The following KLK5 variants were observed in gnomAD, a reference collection of about 807,000 sequenced individuals.
KLK5 encodes kallikrein-5.
Under a neutral mutation model 24.0 loss-of-function variants are expected in KLK5, and 18 were observed. The ratio of observed to expected loss-of-function variants is 0.75; its 90% CI spans 0.52 to 1.11. The LOEUF (loss-of-function observed/expected upper bound fraction) is 1.11. Ranked by LOEUF, KLK5 falls within the 50% of genes most tolerant of loss-of-function variation. The pLI is 0.00. For synonymous variants in KLK5, 140 were observed against 154.0 expected (o/e 0.91, Z 0.67); for missense variants, 374 against 379.2 (o/e 0.99, Z 0.11).
Position 50,943,771 on chromosome 19 carries a change from GC to G in KLK5, c.741del (p.Pro248LeufsTer65), listed in dbSNP as rs759781166. 10 of 1,612,864 alleles carry G rather than the reference GC, an allele frequency of 6.2e-6. No individual in the cohort carries two copies. Among genetic ancestry groups the G allele is most frequent in the African/African-American group, 1.3e-5 (1 of 74,854 alleles). ...GRDSCQGDSGGPVVCNGSLQG... is the reference protein window; with the variant it reads ...GRDSCQGDSGXPVVCNGSLQG... ...TGCAGGGAGCCATTGCAGACCACAG[GC>G]CCCCCAGAATCACCCTGCAGGAGAG... is the stretch of plus-strand genomic sequence containing the variant. On this transcript the variant is annotated frameshift_variant, in exon 6 of 6. Transcript: ENST00000336334. LOFTEE classifies it low-confidence loss of function (END_TRUNC).
intron 3 of KLK5, 77 bp downstream of exon 3, chr19:50,949,761 AGCCCTCACCTCCATGAC>A: frequency 3.4e-6 from 1 of 293,280 alleles, no homozygotes; most frequent in Non-Finnish European, 5.6e-6. Flanking sequence ...CGTCCCCACC[AGCCCTCACCTCCATGAC>A]ACCCCCACCC....
chr19:50,944,946 T>C (rs2090617524), intron 5 of KLK5, among the ~76,000 whole-genome samples: 1 of 152,022 alleles, frequency 6.6e-6, no homozygotes, highest in Non-Finnish European at 1.5e-5. Flanking sequence ...TTTCCTTCTT[T>C]CCTTCCTTCC....
At chr19:50,946,941 G>T (rs549090962) in intron 5 of KLK5, among the ~76,000 whole-genome samples, 14 of 151,998 alleles carry the variant, frequency 9.2e-5, no homozygotes, top group Admixed American at 3.3e-4. Context: ...AATGGGGAGA[G>T]CTGGGGAGGT....
chr19:50,951,971 A>G (rs544838894), intron 2 of KLK5, among the ~76,000 whole-genome samples: 1 of 152,148 alleles, frequency 6.6e-6, no homozygotes, highest in South Asian at 2.1e-4. Context: ...TCACACATAC[A>G]GTAGCATTTA....
Position 50,952,885 on chromosome 19 carries a change from G to A in KLK5, c.-150C>T. ...AAGGAGGGGACAGAGAAAGATGTGG[G>A]TGCAGGACGCACAGACACCTCTCCT... On this transcript the variant is annotated 5_prime_UTR_variant, in exon 1 of 6. Transcript: ENST00000336334. 2.5e-6 allele frequency: 1 copy of A among 404,318 alleles called. No individual in the cohort carries two copies. Among genetic ancestry groups the A allele is most frequent in the Non-Finnish European group, 4.4e-6 (1 of 228,632 alleles). 25.0% of individuals were successfully genotyped at this position (404,318 alleles called of 1,614,324 possible).
rs2090640649 is a variant in KLK5 at position 50,946,891 on chromosome 19, C to T, written c.726+1749G>A. Among the ~76,000 whole-genome samples the T allele has an allele frequency of 2.6e-5, 4 of 152,008 alleles. No individual in the cohort carries two copies. In the South Asian group the frequency reaches 6.2e-4, roughly 24 times the overall value. ...GCTTTCTTCTGTTAAAAGTTTTCCC[C>T]CTCGCAACCCACCCCCCCACACCCA... is the stretch of plus-strand genomic sequence containing the variant. On this transcript the variant is annotated intron_variant, in intron 5 of 5. Transcript: ENST00000336334.
intron 3 of KLK5, 74 bp from the exon 4 acceptor site, chr19:50,949,189 C>T: frequency 1.4e-6 from 2 of 1,436,498 alleles, no homozygotes; most frequent in Non-Finnish European, 1.9e-6. Flanking sequence ...CAACCCCACA[C>T]CCAGCCCCAG....
Position 50,949,911 on chromosome 19 carries a change from G to T in KLK5, c.279C>A (p.Cys93Ter). ...ACTGTGGATGCACCAACACCGCCCCGCAGTAGAGCTGGTTGGGCCTTAGCA... is the reference window on the plus strand; with the variant it reads ...ACTGTGGATGCACCAACACCGCCCCTCAGTAGAGCTGGTTGGGCCTTAGCA... Reference protein sequence around the residue: ...ALLLRPNQLYCGAVLVHPQWL... With the variant: ...ALLLRPNQLY Residue 93 changes from cysteine (C) to a stop codon, truncating the protein, a stop_gained, in exon 3 of 6, where the codon TGC (cysteine) becomes TGA (stop). Transcript: ENST00000336334. LOFTEE classifies it high-confidence loss of function. The T allele has an allele frequency of 6.3e-7, 1 of 1,594,310 alleles. No individual in the cohort carries two copies. Among genetic ancestry groups the T allele is most frequent in the African/African-American group, 1.4e-5 (1 of 73,104 alleles).
intron 3 of KLK5, 110 bp downstream of exon 3, chr19:50,949,745 C>CA: frequency 4.9e-6 from 3 of 606,334 alleles, no homozygotes; most frequent in African/African-American, 2.1e-5. Context: ...CCCAACCCCA[C>CA]TTCCCCGTCC....
In KLK5 at chr19:50,947,358, G is replaced by A. The variant is rs144085487; in HGVS notation, c.726+1282C>T. On this transcript the variant is annotated intron_variant, in intron 5 of 5. Transcript: ENST00000336334. The surrounding 1 kb of genome is among the most constrained non-coding windows in gnomAD (Gnocchi z 8.7). ...CCTTACTGCCTCAGGGCCTTTGCAC[G>A]TGCCTTTTCTTTCCCCTTAAACTTC... is the stretch of plus-strand genomic sequence containing the variant. Among the ~76,000 whole-genome samples the A allele has an allele frequency of 1.6e-3, 248 of 152,184 alleles. 1 individual carries two copies. Among genetic ancestry groups the A allele is most frequent in the South Asian group, 1.0e-3 (5 of 4,828 alleles).
chr19:50,945,760 C>T lies in KLK5; in HGVS notation c.727-1974G>A, dbSNP rs543744550. Among the ~76,000 whole-genome samples the T allele has an allele frequency of 2.0e-4, 29 of 147,836 alleles. No homozygotes were observed. In the South Asian group the frequency reaches 3.6e-3, roughly 18 times the overall value. ...GAGCTGATATGGTGCCATTGCACTC[C>T]AGCCTGGGTGACAGAGCGAGACTCC... On this transcript the variant is annotated intron_variant, in intron 5 of 5. Coordinates refer to ENST00000336334, the MANE Select transcript of KLK5 (RefSeq NM_012427.5).
chr19:50,949,739 A>ACCC, intron 3 of KLK5, 116 bp downstream of exon 3: 1 of 432,332 alleles, frequency 2.3e-6, no homozygotes, highest in Non-Finnish European at 3.7e-6. Context: ...GACACCCCCA[A>ACCC]CCCCACTTCC....
chr19:50,946,655 G>A (rs2090637978), intron 5 of KLK5, among the ~76,000 whole-genome samples: 2 of 151,968 alleles, frequency 1.3e-5, no homozygotes, highest in African/African-American at 4.8e-5. Flanking sequence ...CGCCTCCCGG[G>A]TTCAGGCCAT....
At chr19:50,948,611 A>G (rs757116694) in intron 5 of KLK5, 29 bp downstream of exon 5, 1 of 1,613,036 alleles carries the variant, frequency 6.2e-7, no homozygotes, top group Non-Finnish European at 8.5e-7. Context: ...CTCAGTGTGT[A>G]TCTGCTGAAT....
rs960790360 is a variant in KLK5 at position 50,947,798 on chromosome 19, C to T, written c.726+842G>A. On this transcript the variant is annotated intron_variant, in intron 5 of 5. Coordinates refer to ENST00000336334, the MANE Select transcript of KLK5 (RefSeq NM_012427.5). This position sits in a 1 kb window ranked among gnomAD's most constrained non-coding sequence, Gnocchi z 8.7. ...AACTGACATCTGTAACACGGAGTGC[C>T]CCTATTAGATATGGTATCTTTATGC... Among the ~76,000 whole-genome samples, 1 of 152,144 alleles carries T rather than the reference C, an allele frequency of 6.6e-6. No individual in the cohort carries two copies. Among genetic ancestry groups the T allele is most frequent in the African/African-American group, 2.4e-5 (1 of 41,426 alleles).
chr19:50,952,564 C>A (rs2090696909), intron 2 of KLK5, 21 bp downstream of exon 2: 1 of 1,578,282 alleles, frequency 6.3e-7, no homozygotes, highest in Non-Finnish European at 8.6e-7. Flanking sequence ...CACAACCCTC[C>A]CACCCCAGAG....
chr19:50,944,009 CTTTTTTTT>C (rs111307117), intron 5 of KLK5, among the ~76,000 whole-genome samples: 7 of 144,596 alleles, frequency 4.8e-5, no homozygotes, highest in Non-Finnish European at 7.6e-5. Flanking sequence ...CCAAATCCAG[CTTTTTTTT>C]TTTTGAGATG....
intron 2 of KLK5, among the ~76,000 whole-genome samples, chr19:50,951,538 C>T (rs1464820864): frequency 6.6e-6 from 1 of 152,182 alleles, no homozygotes; most frequent in Non-Finnish European, 1.5e-5. Context: ...TCCCAAAGGG[C>T]TGGGATTACA....
rs748039264 is a variant in KLK5, at chr19:50,943,677, C to T, written c.836G>A (p.Cys279Tyr). 3.1e-6 allele frequency: 5 copies of T among 1,613,852 alleles called. No individual in the cohort carries two copies. Among genetic ancestry groups the T allele is most frequent in the Non-Finnish European group, 4.2e-6 (5 of 1,179,942 alleles). The change falls in exon 6 of 6, where the codon TGC (cysteine) becomes TAC (tyrosine). Residue 279 changes from cysteine to tyrosine, a missense_variant. Transcript: ENST00000336334. Reference sequence around the variant, plus strand: ...TTCCTGGATCCACTTGGTGAACTTGCAGAGGTTCGTGTAGACACCCGGTCT... The same window carrying T: ...TTCCTGGATCCACTTGGTGAACTTGTAGAGGTTCGTGTAGACACCCGGTCT... ...PNRPGVYTNL[C>Y]KFTKWIQETI... is the part of the protein sequence containing the mutation.
Sources: gnomAD v4.1 joint callset for allele counts (sites outside exome capture counted in the v4.1 genomes callset) on GRCh38, gnomAD v4.1.1 for gene constraint, Gnocchi (gnomAD v3.1) non-coding constraint, MANE v1.5 for transcripts, NCBI Gene and HGNC (gene_info 2026-07-23, HGNC 2026-07-21) for gene names.